IGSF21: variants seen among roughly 807,000 people sequenced by gnomAD.
IGSF21 encodes immunoglobulin superfamily member 21.
IGSF21 carries 28 observed loss-of-function variants against 46.8 expected under a neutral mutation model. The observed-to-expected ratio is 0.60, with a 90% CI of 0.44 to 0.82. IGSF21 has a LOEUF of 0.82. Ranked by LOEUF, IGSF21 falls within the 40% of genes least tolerant of loss-of-function variation. The probability of loss-of-function intolerance (pLI) is 0.00; values close to 1 mark genes in which losing one functional copy is unlikely to be tolerated. For synonymous variants in IGSF21, 284 were observed against 273.6 expected, an observed-to-expected ratio of 1.04 and a Z score of -0.38; for missense variants, 624 against 665.5, an observed-to-expected ratio of 0.94 and a Z score of 0.69.
intron 3 of IGSF21, among the ~76,000 whole-genome samples, chr1:18,301,997 G>T (rs1206657385): frequency 6.6e-6 from 1 of 152,110 alleles, no homozygotes; most frequent in Non-Finnish European, 1.5e-5. Flanking sequence ...TGTTTCAAAT[G>T]CTCCGCCTCA....
chr1:18,286,209 A>G (rs2085210911), intron 2 of IGSF21, among the ~76,000 whole-genome samples: 2 of 152,208 alleles, frequency 1.3e-5, no homozygotes. Flanking sequence ...GCTGTTTACT[A>G]TTACAAGTAT....
At chr1:18,139,258 A>G (rs1454483429) in intron 1 of IGSF21, among the ~76,000 whole-genome samples, 2 of 152,210 alleles carry the variant, frequency 1.3e-5, no homozygotes, top group Non-Finnish European at 2.9e-5. Context: ...GCTGTGTCTA[A>G]TGAGAAATTC....
intron 3 of IGSF21, among the ~76,000 whole-genome samples, chr1:18,307,682 C>T (rs555804131): frequency 2.6e-5 from 4 of 152,350 alleles, no homozygotes; most frequent in Admixed American, 6.5e-5. Flanking sequence ...TGGCCACGTG[C>T]GGGCAGACAG....
At chr1:18,306,346 C>A (rs933479144) in intron 3 of IGSF21, among the ~76,000 whole-genome samples, 1 of 152,170 alleles carries the variant, frequency 6.6e-6, no homozygotes, top group Non-Finnish European at 1.5e-5. Flanking sequence ...GATCAAATGT[C>A]CCTCTGCAGA....
At chr1:18,373,096 CT>C (rs2086245543) in intron 6 of IGSF21, among the ~76,000 whole-genome samples, 2 of 152,184 alleles carry the variant, frequency 1.3e-5, no homozygotes, top group Admixed American at 6.5e-5. Context: ...GCAGTCTTAT[CT>C]CCCTCCTCCA....
At chr1:18,132,725 C>G (rs905435652) in intron 1 of IGSF21, among the ~76,000 whole-genome samples, 1 of 152,112 alleles carries the variant, frequency 6.6e-6, no homozygotes. Context: ...CTCATGGGTC[C>G]CTTGGTGGGC....
rs115948150 is a variant in IGSF21, at chr1:18,261,863, G to A, written c.184-30003G>A. Among the ~76,000 whole-genome samples the A allele has an allele frequency of 5.5e-3, 835 of 152,344 alleles. 6 individuals carry two copies. Among genetic ancestry groups the A allele is most frequent in the African/African-American group, 0.019 (778 of 41,582 alleles). On this transcript the variant is annotated intron_variant, in intron 2 of 9. Coordinates refer to ENST00000251296, the MANE Select transcript of IGSF21 (RefSeq NM_032880.5). The stretch of plus-strand genomic sequence containing the variant: ...ACAAATCATGTATTTTGGAGGTGAC[G>A]TCGGGAAGTATTGTCAGGGGAGTGT...
intron 3 of IGSF21, among the ~76,000 whole-genome samples, chr1:18,315,608 T>C (rs1312213323): frequency 7.5e-6 from 1 of 133,238 alleles, no homozygotes; most frequent in Admixed American, 7.4e-5. Flanking sequence ...GGACAGATGG[T>C]AGGTGGATGA....
chr1:18,196,384 G>A (rs1461492733), intron 1 of IGSF21, among the ~76,000 whole-genome samples: 1 of 152,146 alleles, frequency 6.6e-6, no homozygotes, highest in Non-Finnish European at 1.5e-5. Context: ...AGGGAGGAGA[G>A]GCCATGCCTT....
In IGSF21 at chr1:18,132,525, A is replaced by C. The variant is rs974607879; in HGVS notation, c.70+24327A>C. Among the ~76,000 whole-genome samples, 3 of 152,378 alleles carry C rather than the reference A, an allele frequency of 2.0e-5. No individual in the cohort carries two copies. The Middle Eastern group carries it at 0.01, about 518-fold the overall frequency. On this transcript the variant is annotated intron_variant, in intron 1 of 9. Transcript: ENST00000251296. Reference sequence around the variant, plus strand: ...CAGCCTGTAGGCAGAGGGATGGCCAAGATGGCTGAGATATGAGCTAATTCC... The same window carrying C: ...CAGCCTGTAGGCAGAGGGATGGCCACGATGGCTGAGATATGAGCTAATTCC...
intron 1 of IGSF21, among the ~76,000 whole-genome samples, chr1:18,155,952 G>A (rs193184724): frequency 1.9e-4 from 29 of 152,366 alleles, no homozygotes; most frequent in African/African-American, 5.3e-4. Context: ...GCCCGGATGC[G>A]GTGCTGGCGA....
chr1:18,378,472 C>A lies in IGSF21; in HGVS notation c.*146C>A. 2.9e-6 allele frequency: 2 copies of A among 681,030 alleles called. No homozygotes were observed. The highest frequency in any genetic ancestry group is 1.9e-5 in the South Asian group (1 of 52,680). 42.2% of individuals were successfully genotyped at this position (681,030 alleles called of 1,614,324 possible). ...GTCGGTTTAATTAAAACAAACAGAA[C>A]AATTTTCCCCACCTCGGTTTGTGGC... On this transcript the variant is annotated 3_prime_UTR_variant, in exon 10 of 10. Coordinates refer to ENST00000251296, the MANE Select transcript of IGSF21 (RefSeq NM_032880.5).
intron 3 of IGSF21, among the ~76,000 whole-genome samples, chr1:18,320,967 G>A (rs72655193): frequency 0.039 from 5,984 of 152,278 alleles, 169 homozygotes; most frequent in South Asian, 0.071. Flanking sequence ...TGACATCCAC[G>A]CGGGTAGGCC....
At chr1:18,161,677 A>G (rs2086624431) in intron 1 of IGSF21, among the ~76,000 whole-genome samples, 1 of 152,180 alleles carries the variant, frequency 6.6e-6, no homozygotes, top group Admixed American at 6.5e-5. Flanking sequence ...GGGGTTAAAC[A>G]AACACATGTT....
chr1:18,285,126 G>C (rs1469609831), intron 2 of IGSF21, among the ~76,000 whole-genome samples: 1 of 152,048 alleles, frequency 6.6e-6, no homozygotes, highest in Non-Finnish European at 1.5e-5. Flanking sequence ...CCTGTAATTG[G>C]TTTTGTGGAA....
At chr1:18,272,100 C>T (rs1324101763) in intron 2 of IGSF21, among the ~76,000 whole-genome samples, 2 of 152,138 alleles carry the variant, frequency 1.3e-5, no homozygotes, top group Non-Finnish European at 2.9e-5. Context: ...ACAATCATGG[C>T]AGAAGGTGAA....
intron 1 of IGSF21, among the ~76,000 whole-genome samples, chr1:18,130,265 T>G (rs1249924575): frequency 6.6e-6 from 1 of 152,186 alleles, no homozygotes; most frequent in East Asian, 1.9e-4. Context: ...CACCCTCTTC[T>G]TCTCTTTCTC....
At chr1:18,305,546 T>TTATGAATG (rs2085416144) in intron 3 of IGSF21, among the ~76,000 whole-genome samples, 1 of 123,786 alleles carries the variant, frequency 8.1e-6, no homozygotes, top group East Asian at 2.8e-4. Context: ...GATGGATGGA[T>TTATGAATG]GATGGATGGA....
intron 1 of IGSF21, chr1:18,115,900 A>AG (rs1437786499): frequency 3.6e-5 from 3 of 84,170 alleles, no homozygotes; most frequent in African/African-American, 1.2e-4. Flanking sequence ...AAAGAAAGAA[A>AG]GAAGGAGAGG....
Sources: allele counts gnomAD v4.1 joint callset (sites outside exome capture counted in the v4.1 genomes callset), GRCh38; gene constraint gnomAD v4.1.1; transcripts MANE v1.5; gene names NCBI Gene and HGNC (gene_info 2026-07-23, HGNC 2026-07-21).